SLC10A7: variants seen among roughly 807,000 people sequenced by gnomAD.
The protein encoded by SLC10A7 is solute carrier family 10 member 7, also known as sodium/bile acid cotransporter 7.
Under a neutral mutation model 43.2 loss-of-function variants are expected in SLC10A7, and 29 were observed. The ratio of observed to expected loss-of-function variants is 0.67; its 90% CI spans 0.50 to 0.92. The LOEUF is 0.92. Among genes scored for constraint, SLC10A7 ranks in the 40% least tolerant of loss-of-function variants. The probability of loss-of-function intolerance (pLI) is 0.00; values close to 1 mark genes in which losing one functional copy is unlikely to be tolerated. For synonymous variants in SLC10A7, 152 were observed against 144.8 expected (o/e 1.05, Z -0.35); for missense variants, 295 against 403.2 (o/e 0.73, Z 2.30).
intron 1 of SLC10A7, 27 bp downstream of exon 1, chr4:146,521,591 T>C: frequency 6.3e-7 from 1 of 1,586,910 alleles, no homozygotes; most frequent in Non-Finnish European, 8.6e-7. Flanking sequence ...GGAGCCGCGG[T>C]GGAGCCGGCA....
chr4:146,434,172 T>C (rs559857615), intron 5 of SLC10A7, among the ~76,000 whole-genome samples: 39 of 152,292 alleles, frequency 2.6e-4, no homozygotes, highest in South Asian at 1.0e-3. Flanking sequence ...AGATTGTCTA[T>C]ACAACGTAAT....
At chr4:146,379,962 T>C (rs1025155617) in intron 5 of SLC10A7, among the ~76,000 whole-genome samples, 1 of 141,216 alleles carries the variant, frequency 7.1e-6, no homozygotes, top group African/African-American at 2.9e-5. Flanking sequence ...TCTCTCTCTG[T>C]GTGTGTGTGT....
At chr4:146,433,668 C>G (rs998713835) in intron 5 of SLC10A7, among the ~76,000 whole-genome samples, 25 of 151,824 alleles carry the variant, frequency 1.6e-4, no homozygotes, top group Admixed American at 1.1e-3. Context: ...GAGTTCAACA[C>G]CAGCCTGGGC....
chr4:146,375,178 C>T (rs1428503924), intron 5 of SLC10A7, among the ~76,000 whole-genome samples: 1 of 152,098 alleles, frequency 6.6e-6, no homozygotes, highest in Non-Finnish European at 1.5e-5. Flanking sequence ...TGCACTCCGG[C>T]CTGGGTGACA....
chr4:146,281,334 C>A (rs1424890565), intron 10 of SLC10A7, among the ~76,000 whole-genome samples: 1 of 150,914 alleles, frequency 6.6e-6, no homozygotes, highest in Non-Finnish European at 1.5e-5. Flanking sequence ...ACAGAGAAAA[C>A]CCTTTCTGGT....
At chr4:146,473,237 G>C (rs1379780604) in intron 4 of SLC10A7, among the ~76,000 whole-genome samples, 1 of 152,086 alleles carries the variant, frequency 6.6e-6, no homozygotes, top group Admixed American at 6.5e-5. Context: ...AATCAAAAAA[G>C]ACATGTCAAA....
chr4:146,496,821 A>T (rs1423459670), intron 4 of SLC10A7, among the ~76,000 whole-genome samples: 1 of 152,114 alleles, frequency 6.6e-6, no homozygotes, highest in Non-Finnish European at 1.5e-5. Context: ...TGTTATAGGG[A>T]TGTCAGCTAT....
chr4:146,314,565 G>T (rs945369680), intron 6 of SLC10A7, among the ~76,000 whole-genome samples: 2 of 152,078 alleles, frequency 1.3e-5, no homozygotes, highest in African/African-American at 4.8e-5. Context: ...TTACTCAAGG[G>T]GTGCTTACAT....
chr4:146,497,490 C>G (rs1736000330), intron 4 of SLC10A7, among the ~76,000 whole-genome samples: 1 of 152,090 alleles, frequency 6.6e-6, no homozygotes, highest in East Asian at 1.9e-4. Flanking sequence ...TGTTTAATAC[C>G]TAGGCTCTCA....
At chr4:146,339,938 G>A (rs191920522) in intron 5 of SLC10A7, among the ~76,000 whole-genome samples, 9 of 150,820 alleles carry the variant, frequency 6.0e-5, no homozygotes, top group African/African-American at 1.7e-4. Context: ...TTTAAGCTCC[G>A]CATGCATTAG....
rs1287981036 is a variant in SLC10A7, at chr4:146,414,173, A to ATTT, written c.435+28609_435+28610insAAA. ...TTGGGGAAGCTGCAAATTCCCAGAA[A>ATTT]GCTCACATAGGGCCCTCCTCAACAT... On this transcript the variant is annotated intron_variant, in intron 5 of 11. Coordinates refer to ENST00000335472, the MANE Select transcript of SLC10A7 (RefSeq NM_001029998.6). Among the ~76,000 whole-genome samples, 132 of 152,294 alleles carry ATTT rather than the reference A, an allele frequency of 8.7e-4. 1 individual carries two copies. The highest frequency in any genetic ancestry group is 3.1e-3 in the African/African-American group (130 of 41,558).
chr4:146,511,298 A>T (rs1737440437), intron 2 of SLC10A7, among the ~76,000 whole-genome samples: 2 of 152,218 alleles, frequency 1.3e-5, no homozygotes, highest in Non-Finnish European at 2.9e-5. Context: ...TATTGTGTTG[A>T]AATAAAAACA....
intron 9 of SLC10A7, among the ~76,000 whole-genome samples, chr4:146,286,854 GAGA>G (rs1451692637): frequency 6.6e-6 from 1 of 152,112 alleles, no homozygotes; most frequent in Non-Finnish European, 1.5e-5. Flanking sequence ...TTGGAGTGGT[GAGA>G]AGGACTGTGT....
At chr4:146,404,524 T>G (rs969569565) in intron 5 of SLC10A7, among the ~76,000 whole-genome samples, 3 of 144,014 alleles carry the variant, frequency 2.1e-5, no homozygotes, top group Non-Finnish European at 4.6e-5. Flanking sequence ...GTGACTGGTT[T>G]AAGATCTTTG....
chr4:146,270,834 A>G (rs760834964), intron 10 of SLC10A7, among the ~76,000 whole-genome samples: 6 of 152,244 alleles, frequency 3.9e-5, no homozygotes, highest in Non-Finnish European at 8.8e-5. Context: ...ACATGCATTA[A>G]TAAGGCAAAT....
chr4:146,281,964 G>A (rs920908226), intron 10 of SLC10A7, among the ~76,000 whole-genome samples: 5 of 152,088 alleles, frequency 3.3e-5, no homozygotes, highest in Non-Finnish European at 4.4e-5. Context: ...CAAGTGCTGT[G>A]CCAGGTACTT....
intron 5 of SLC10A7, among the ~76,000 whole-genome samples, chr4:146,361,530 C>A (rs1212962571): frequency 1.3e-5 from 2 of 152,094 alleles, no homozygotes; most frequent in Admixed American, 1.3e-4. Context: ...TTATGGCACC[C>A]CCCTAGTGCT....
rs1362698058 is a variant in SLC10A7, at chr4:146,283,280, A to G, written c.774-15T>C. The G allele has an allele frequency of 6.2e-7, 1 of 1,609,342 alleles. No individual in the cohort carries two copies. Among genetic ancestry groups the G allele is most frequent in the African/African-American group, 1.3e-5 (1 of 74,958 alleles). Reference sequence around the variant, plus strand: ...CCGAATTATTCCTAGGGGCAAAAAAAGATTTTGACAAATACTTTTATAAAA... The same window carrying G: ...CCGAATTATTCCTAGGGGCAAAAAAGGATTTTGACAAATACTTTTATAAAA... On this transcript the variant is annotated splice_polypyrimidine_tract_variant and intron_variant, in intron 9 of 11. Coordinates refer to ENST00000335472, the MANE Select transcript of SLC10A7 (RefSeq NM_001029998.6).
chr4:146,484,339 G>A (rs1411471612), intron 4 of SLC10A7, among the ~76,000 whole-genome samples: 2 of 152,162 alleles, frequency 1.3e-5, no homozygotes, highest in Non-Finnish European at 2.9e-5. Flanking sequence ...GAGTGACAGA[G>A]AGACACTCTG....
Sources: gnomAD v4.1 joint callset for allele counts (sites outside exome capture counted in the v4.1 genomes callset) on GRCh38, gnomAD v4.1.1 for gene constraint, MANE v1.5 for transcripts, NCBI Gene and HGNC (gene_info 2026-07-23, HGNC 2026-07-21) for gene names.